The following RAI14 variants were observed in gnomAD, a reference collection of about 807,000 sequenced individuals.
RAI14 encodes the protein retinoic acid induced 14.
RAI14 carries 45 observed loss-of-function variants against 115.4 expected under a neutral mutation model. The ratio of observed to expected loss-of-function variants is 0.39; its 90% CI spans 0.31 to 0.50. The LOEUF is 0.50. Ranked by LOEUF, RAI14 falls within the 20% of genes least tolerant of loss-of-function variation. The pLI is 0.85. For missense variants in RAI14, 939 were observed against 1,131.2 expected (o/e 0.83, Z 2.44); for synonymous variants, 371 against 415.4 (o/e 0.89, Z 1.30).
intron 3 of RAI14, among the ~76,000 whole-genome samples, chr5:34,792,630 G>A (rs147309688): frequency 8.5e-5 from 13 of 152,320 alleles, no homozygotes; most frequent in South Asian, 8.3e-4. Context: ...ACACCTGGAT[G>A]TTAGAATTTT....
intron 3 of RAI14, among the ~76,000 whole-genome samples, chr5:34,770,781 A>G (rs111931742): frequency 5.5e-4 from 84 of 152,274 alleles, no homozygotes; most frequent in South Asian, 2.5e-3. Context: ...AGAGCCTTGT[A>G]TGCTACAGGA....
chr5:34,766,920 TAGTG>T (rs759552854), intron 3 of RAI14, among the ~76,000 whole-genome samples: 3 of 152,168 alleles, frequency 2.0e-5, no homozygotes, highest in African/African-American at 4.8e-5. Context: ...GTTCTTGCAG[TAGTG>T]AGTAAGTCTC....
chr5:34,694,173 T>A (rs933984975), intron 2 of RAI14, among the ~76,000 whole-genome samples: 1 of 152,162 alleles, frequency 6.6e-6, no homozygotes, highest in Non-Finnish European at 1.5e-5. Context: ...AAGCAATGAG[T>A]CATTTAGACC....
Position 34,757,478 on chromosome 5 carries a change from G to A in RAI14, c.47G>A (p.Trp16Ter). 2 of 1,613,610 alleles carry A rather than the reference G, an allele frequency of 1.2e-6. No homozygotes were observed. The highest frequency in any genetic ancestry group is 8.5e-7 in the Non-Finnish European group (1 of 1,179,826). Reference protein sequence around the residue: ...AKFRKSDTNEWNKNDDRLLQA... With the variant: ...AKFRKSDTNE ...TCTCTTTCTCTACAGACCAATGAGT[G>A]GAACAAGAATGATGACCGGCTACTG... is the stretch of plus-strand genomic sequence containing the variant. The change falls in exon 3 of 18, where the codon TGG (tryptophan) becomes TAG (stop). Residue 16 changes from tryptophan to a stop codon, truncating the protein, a stop_gained. Coordinates refer to ENST00000265109, the MANE Select transcript of RAI14 (RefSeq NM_015577.3). LOFTEE classifies it high-confidence loss of function.
intron 3 of RAI14, among the ~76,000 whole-genome samples, chr5:34,773,411 G>A (rs114983381): frequency 0.049 from 7,476 of 152,028 alleles, 185 homozygotes; most frequent in East Asian, 0.091. Context: ...TAGACAAATC[G>A]GATTATATTA....
Position 34,823,675 on chromosome 5 carries a change from A to G in RAI14, c.1833A>G (p.Leu611=). The G allele has an allele frequency of 3.7e-6, 6 of 1,614,034 alleles. No homozygotes were observed. Among genetic ancestry groups the G allele is most frequent in the Non-Finnish European group, 1.7e-6 (2 of 1,180,008 alleles). ...YQEAQEEIMK[L]KDTLKSQMTQ... ...AAGCCCAAGAAGAAATCATGAAATTAAAAGACACACTAAAAAGTCAGATGA... is the reference window on the plus strand; with the variant it reads ...AAGCCCAAGAAGAAATCATGAAATTGAAAGACACACTAAAAAGTCAGATGA... Residue 611 remains leucine, a synonymous_variant, in exon 15 of 18, where the codon TTA becomes TTG. Transcript: ENST00000265109. This position sits in a 1 kb window ranked among gnomAD's most constrained non-coding sequence, Gnocchi z 4.5.
chr5:34,683,820 C>T (rs1744574925), intron 1 of RAI14, among the ~76,000 whole-genome samples: 1 of 152,046 alleles, frequency 6.6e-6, no homozygotes, highest in South Asian at 2.1e-4. Flanking sequence ...CTCCGCCTCC[C>T]GGGTTCACGC....
chr5:34,713,620 G>A (rs1227347925), intron 2 of RAI14, among the ~76,000 whole-genome samples: 1 of 152,128 alleles, frequency 6.6e-6, no homozygotes, highest in African/African-American at 2.4e-5. Flanking sequence ...AGCTGGTCTT[G>A]AACTCTTGGT....
chr5:34,783,981 T>C (rs1238144457), intron 3 of RAI14, among the ~76,000 whole-genome samples: 1 of 152,192 alleles, frequency 6.6e-6, no homozygotes, highest in Non-Finnish European at 1.5e-5. Context: ...TAAGCTAGTC[T>C]CCCAAATGAG....
chr5:34,819,377 G>A (rs773822342), intron 13 of RAI14, among the ~76,000 whole-genome samples: 2 of 152,130 alleles, frequency 1.3e-5, no homozygotes, highest in Non-Finnish European at 2.9e-5. Context: ...GGCTTCTGCT[G>A]TCTGCTAAAC....
At chr5:34,707,416 C>G (rs1740834031) in intron 2 of RAI14, among the ~76,000 whole-genome samples, 1 of 152,172 alleles carries the variant, frequency 6.6e-6, no homozygotes, top group Non-Finnish European at 1.5e-5. Flanking sequence ...TGCAGTGAGC[C>G]AAGATCACGC....
intron 2 of RAI14, among the ~76,000 whole-genome samples, chr5:34,715,433 G>A (rs896727711): frequency 2.6e-5 from 4 of 152,094 alleles, no homozygotes; most frequent in African/African-American, 9.7e-5. Context: ...TCAGTCCCTA[G>A]CTTCTGCAGG....
chr5:34,802,289 A>T (rs1754368749), intron 4 of RAI14, among the ~76,000 whole-genome samples: 1 of 152,180 alleles, frequency 6.6e-6, no homozygotes, highest in African/African-American at 2.4e-5. Context: ...ATCTACGGCC[A>T]TACCACCCTG....
chr5:34,807,892 A>G (rs747448249), intron 6 of RAI14, 35 bp downstream of exon 6: 5 of 1,533,536 alleles, frequency 3.3e-6, no homozygotes, highest in Admixed American at 1.7e-5. Context: ...TTCTTCTGCC[A>G]TTAGAAACAC....
intron 2 of RAI14, among the ~76,000 whole-genome samples, chr5:34,713,186 C>T (rs528505265): frequency 6.6e-6 from 1 of 152,194 alleles, no homozygotes; most frequent in African/African-American, 2.4e-5. Flanking sequence ...CTTCTGAGAG[C>T]TTATGATGTA....
intron 5 of RAI14, among the ~76,000 whole-genome samples, chr5:34,807,137 A>G (rs1193536256): frequency 6.6e-6 from 1 of 152,096 alleles, no homozygotes; most frequent in Non-Finnish European, 1.5e-5. Context: ...ATGATATTTC[A>G]GGTTGTGGGT....
intron 2 of RAI14, among the ~76,000 whole-genome samples, chr5:34,748,790 C>T (rs2150067078): frequency 6.7e-6 from 1 of 148,602 alleles, no homozygotes; most frequent in Non-Finnish European, 1.5e-5. Flanking sequence ...AGGGAGACTC[C>T]GTCTCTACAA....
At chr5:34,680,337 G>A (rs1052458359) in intron 1 of RAI14, among the ~76,000 whole-genome samples, 2 of 152,154 alleles carry the variant, frequency 1.3e-5, no homozygotes, top group African/African-American at 4.8e-5. Flanking sequence ...CATGGTGCTG[G>A]TCCCTAGCAA....
chr5:34,738,849 T>C (rs142165857), intron 2 of RAI14, among the ~76,000 whole-genome samples: 7 of 152,346 alleles, frequency 4.6e-5, no homozygotes, highest in Admixed American at 3.9e-4. Context: ...TATTCTGCAG[T>C]TTATTTTGAT....
Sources: gnomAD v4.1 joint callset for allele counts (sites outside exome capture counted in the v4.1 genomes callset) on GRCh38, gnomAD v4.1.1 for gene constraint, Gnocchi (gnomAD v3.1) non-coding constraint, MANE v1.5 for transcripts, NCBI Gene and HGNC (gene_info 2026-07-23, HGNC 2026-07-21) for gene names.